The following ZNF83 variants were observed in gnomAD, a reference collection of about 807,000 sequenced individuals.
ZNF83 encodes the protein zinc finger protein 816B.
For synonymous variants in ZNF83, 209 were observed against 213.0 expected (o/e 0.98, Z 0.17); for missense variants, 552 against 629.9 (o/e 0.88, Z 1.32).
upstream of ZNF83, among the ~76,000 whole-genome samples, chr19:52,639,413 C>CTTTTTTTTTTTTTT (rs1206783591): frequency 1.7e-4 from 9 of 53,878 alleles, no homozygotes; most frequent in East Asian, 6.8e-4. Context: ...TTAGTTTTTT[C>CTTTTTTTTTTTTTT]TATTTTTTTT....
exon 2 of ZNF83, chr19:52,635,089 C>A: frequency 1.4e-6 from 1 of 714,450 alleles, no homozygotes; most frequent in Non-Finnish European, 2.5e-6. Flanking sequence ...ATTCCTGACG[C>A]CTTTGCTTTC....
At chr19:52,658,940 T>C (rs1192824513) in intron 2 of ZNF83, among the ~76,000 whole-genome samples, 1 of 152,216 alleles carries the variant, frequency 6.6e-6, no homozygotes, top group Non-Finnish European at 1.5e-5. Context: ...CTGTTGTTAA[T>C]TCTATTCTAA....
At chr19:52,666,219 G>A (rs1044310976) in intron 1 of ZNF83, among the ~76,000 whole-genome samples, 13 of 151,168 alleles carry the variant, frequency 8.6e-5, no homozygotes, top group Admixed American at 6.6e-5. Flanking sequence ...GAAAGAGACA[G>A]AGAGACAAAA....
intron 3 of ZNF83, among the ~76,000 whole-genome samples, chr19:52,648,808 TAGTCACTACGG>T (rs1384100200): frequency 1.3e-5 from 2 of 152,202 alleles, no homozygotes; most frequent in Non-Finnish European, 2.9e-5. Flanking sequence ...CTGCCTGCTC[TAGTCACTACGG>T]AGTCTGACCA....
chr19:52,664,837 C>T (rs919887198), intron 1 of ZNF83, among the ~76,000 whole-genome samples: 2 of 152,042 alleles, frequency 1.3e-5, no homozygotes, highest in Non-Finnish European at 2.9e-5. Context: ...CCCTCTATCT[C>T]ACTCTCCGTG....
intron 2 of ZNF83, among the ~76,000 whole-genome samples, chr19:52,628,841 ATGCCCCAACCTCATATATCTCTG>A (rs1162733688): frequency 4.8e-5 from 7 of 145,226 alleles, no homozygotes; most frequent in South Asian, 2.2e-4. Flanking sequence ...CCTTATTTCC[ATGCCCCAACCTCATATATCTCTG>A]TGCCCCAACC....
At chr19:52,659,000 C>T (rs778342879) in intron 2 of ZNF83, among the ~76,000 whole-genome samples, 14 of 152,024 alleles carry the variant, frequency 9.2e-5, no homozygotes, top group South Asian at 4.1e-4. Flanking sequence ...GGTGTGCAGG[C>T]GATTGGGCAC....
At chr19:52,647,678 T>G (rs575365073) in intron 3 of ZNF83, among the ~76,000 whole-genome samples, 1 of 151,884 alleles carries the variant, frequency 6.6e-6, no homozygotes, top group East Asian at 1.9e-4. Context: ...TTCCCTGGGA[T>G]TCTGCACCTC....
At chr19:52,620,268 C>CTGTG (rs1346555908) in intron 2 of ZNF83, among the ~76,000 whole-genome samples, 60 of 121,322 alleles carry the variant, frequency 4.9e-4, no homozygotes, top group African/African-American at 9.1e-4. Flanking sequence ...GTGTGTATAT[C>CTGTG]TCTGTGTGTG....
chr19:52,633,724 A>C (rs2147180600), intron 2 of ZNF83, among the ~76,000 whole-genome samples: 1 of 152,304 alleles, frequency 6.6e-6, no homozygotes, highest in East Asian at 1.9e-4. Flanking sequence ...CAGCCTGGCC[A>C]ACATGGAGAA....
At chr19:52,665,537 A>C (rs934549493) in intron 1 of ZNF83, among the ~76,000 whole-genome samples, 7 of 152,220 alleles carry the variant, frequency 4.6e-5, no homozygotes, top group Non-Finnish European at 1.0e-4. Flanking sequence ...TCTTCAAAGA[A>C]TCAATGTGTC....
At chr19:52,688,888 C>G (rs1328128004) in intron 1 of ZNF83, among the ~76,000 whole-genome samples, 1 of 150,072 alleles carries the variant, frequency 6.7e-6, no homozygotes, top group African/African-American at 2.5e-5. Context: ...TAACGCTGTC[C>G]GAATAGCCAA....
intron 2 of ZNF83, among the ~76,000 whole-genome samples, chr19:52,634,085 C>T (rs868280434): frequency 1.3e-5 from 2 of 151,974 alleles, no homozygotes. Flanking sequence ...GCCTGGCCAA[C>T]GTGATGAAAC....
At position 52,685,241 on chromosome 19, in the gene ZNF83, G is replaced by A. The variant is rs369051645; in HGVS notation, c.-283+5202C>T. On this transcript the variant is annotated intron_variant, in intron 1 of 5. Transcript: ENST00000594682. ...TGGTCTAGCCCCTCATCTCCAAGTT[G>A]CAGGGACGCTCACTGGGCTCAGAGC... is the stretch of plus-strand genomic sequence containing the variant. Among the ~76,000 whole-genome samples the A allele has an allele frequency of 3.2e-4, 48 of 152,232 alleles. 1 individual carries two copies. In the Middle Eastern group the frequency reaches 0.014, roughly 43 times the overall value.
chr19:52,682,574 G>A (rs1424397819), intron 1 of ZNF83, among the ~76,000 whole-genome samples: 3 of 152,108 alleles, frequency 2.0e-5, no homozygotes, highest in African/African-American at 7.2e-5. Flanking sequence ...AGGAGGCTGA[G>A]GCAGAATTGC....
intron 3 of ZNF83, chr19:52,654,292 A>G: frequency 6.5e-7 from 1 of 1,532,528 alleles, no homozygotes; most frequent in Non-Finnish European, 9.0e-7. Context: ...TGGGAAGCAA[A>G]AATCTCCAAT....
chr19:52,619,972 C>T (rs1225395872), intron 2 of ZNF83, among the ~76,000 whole-genome samples: 1 of 152,102 alleles, frequency 6.6e-6, no homozygotes, highest in Non-Finnish European at 1.5e-5. Flanking sequence ...ATGTCTTTAC[C>T]ATGAGGGTAC....
chr19:52,615,782 C>G (rs1386861185), intron 2 of ZNF83, among the ~76,000 whole-genome samples: 1 of 152,188 alleles, frequency 6.6e-6, no homozygotes, highest in African/African-American at 2.4e-5. Flanking sequence ...GTGGTTAAGA[C>G]ATGAAAAGTT....
chr19:52,613,377 A>G (rs200185005), exon 3 of ZNF83: 1 of 1,613,718 alleles, frequency 6.2e-7, no homozygotes, highest in African/African-American at 1.3e-5. Flanking sequence ...GTTTCTCTCC[A>G]GTATGGATTC....
Sources: allele counts gnomAD v4.1 joint callset (sites outside exome capture counted in the v4.1 genomes callset), GRCh38; gene constraint gnomAD v4.1.1; transcripts MANE v1.5; gene names NCBI Gene and HGNC (gene_info 2026-07-23, HGNC 2026-07-21).